The following CCDC91 variants were observed in gnomAD, a reference collection of about 807,000 sequenced individuals.
CCDC91 encodes coiled-coil domain-containing protein 91.
In CCDC91, 48 loss-of-function variants were observed where a neutral mutation model predicts 63.2. That is an observed-to-expected ratio of 0.76 (90% CI 0.60 to 0.97). The LOEUF is 0.97. CCDC91 is among the 50% of genes least tolerant of loss of function. The pLI is 0.00. For missense variants in CCDC91, 500 were observed against 494.6 expected, an observed-to-expected ratio of 1.01 and a Z score of -0.10; for synonymous variants, 167 against 165.8, an observed-to-expected ratio of 1.01 and a Z score of -0.06.
At chr12:28,499,559 T>C (rs1161039274) in intron 12 of CCDC91, among the ~76,000 whole-genome samples, 1 of 151,920 alleles carries the variant, frequency 6.6e-6, no homozygotes, top group African/African-American at 2.4e-5. Flanking sequence ...CCTGTGTCCA[T>C]GTGTTCTCAT....
intron 1 of CCDC91, among the ~76,000 whole-genome samples, chr12:28,233,933 A>G (rs1433856697): frequency 1.3e-5 from 2 of 152,138 alleles, no homozygotes; most frequent in African/African-American, 4.8e-5. Context: ...AAATACCGGT[A>G]AAATTGATCA....
At chr12:28,388,510 A>G (rs1945742431) in intron 7 of CCDC91, among the ~76,000 whole-genome samples, 1 of 152,184 alleles carries the variant, frequency 6.6e-6, no homozygotes, top group Non-Finnish European at 1.5e-5. Context: ...CCCTTTTACA[A>G]TAGCTGCAAA....
intron 3 of CCDC91, among the ~76,000 whole-genome samples, chr12:28,293,161 A>G (rs921135853): frequency 2.6e-5 from 4 of 152,210 alleles, no homozygotes; most frequent in African/African-American, 9.6e-5. Flanking sequence ...GCATATAGAT[A>G]GAAAATAGAA....
chr12:28,500,634 A>C (rs1937702773), intron 12 of CCDC91, among the ~76,000 whole-genome samples: 1 of 151,756 alleles, frequency 6.6e-6, no homozygotes, highest in African/African-American at 2.4e-5. Flanking sequence ...AGATACCGTT[A>C]CCAAGTTTTG....
rs533446894 is a variant in CCDC91, at chr12:28,517,811, G to T, written c.1216-31252G>T. On this transcript the variant is annotated intron_variant, in intron 12 of 12. Transcript: ENST00000536442. ...TTCCCACCCTTTCCCCCTGAGTCCC[G>T]AAAGTCCACTGTGTCATTTTTATGC... Among the ~76,000 whole-genome samples, 4 of 151,766 alleles carry T rather than the reference G, an allele frequency of 2.6e-5. No homozygotes were observed. In the South Asian group the frequency reaches 8.3e-4, roughly 32 times the overall value.
chr12:28,231,054 G>A lies in CCDC91; in HGVS notation c.-14-26148G>A, dbSNP rs546721551. ...TGTTTAATTTAGATGTGAAATGTTT[G>A]ATAGGACACTATACTAGAGGCTCTA... On this transcript the variant is annotated intron_variant, in intron 1 of 12. Coordinates refer to ENST00000536442, the MANE Select transcript of CCDC91 (RefSeq NM_018318.5). Among the ~76,000 whole-genome samples, 4 of 152,282 alleles carry A rather than the reference G, an allele frequency of 2.6e-5. No individual in the cohort carries two copies. In the South Asian group the frequency reaches 8.3e-4, roughly 32 times the overall value.
intron 1 of CCDC91, among the ~76,000 whole-genome samples, chr12:28,234,544 T>A (rs34921932): frequency 3.2e-3 from 488 of 152,260 alleles, no homozygotes; most frequent in Middle Eastern, 0.01. Context: ...GATAAAAATG[T>A]TTGGAAACAA....
intron 11 of CCDC91, among the ~76,000 whole-genome samples, chr12:28,455,955 G>A (rs1352363204): frequency 1.3e-5 from 2 of 152,074 alleles, no homozygotes; most frequent in African/African-American, 4.8e-5. Flanking sequence ...GGAGTCAACA[G>A]TCAGTATTCA....
At chr12:28,441,371 G>T (rs901139399) in intron 8 of CCDC91, among the ~76,000 whole-genome samples, 3 of 151,802 alleles carry the variant, frequency 2.0e-5, no homozygotes, top group Non-Finnish European at 4.4e-5. Flanking sequence ...GTATGCAAAA[G>T]AAATAAAAAT....
At chr12:28,435,315 T>A (rs529496812) in intron 8 of CCDC91, among the ~76,000 whole-genome samples, 1 of 151,808 alleles carries the variant, frequency 6.6e-6, no homozygotes, top group Admixed American at 6.6e-5. Flanking sequence ...TTTTTTTTTC[T>A]TTTAGTTCAG....
intron 8 of CCDC91, among the ~76,000 whole-genome samples, chr12:28,409,944 CCTAGA>C (rs1947213237): frequency 6.6e-6 from 1 of 151,934 alleles, no homozygotes; most frequent in African/African-American, 2.4e-5. Flanking sequence ...TCTTTTATGG[CCTAGA>C]CTATAGTCTG....
At position 28,280,627 on chromosome 12, in the gene CCDC91, C is replaced by A. The variant is rs74075324; in HGVS notation, c.109+21185C>A. On this transcript the variant is annotated intron_variant, in intron 3 of 12. Transcript: ENST00000536442. Reference sequence around the variant, plus strand: ...ATGATTTGTATACCTTTGTAAATACCCTTCTATTAAAGATAATTGCTAATT... The same window carrying A: ...ATGATTTGTATACCTTTGTAAATACACTTCTATTAAAGATAATTGCTAATT... Among the ~76,000 whole-genome samples, 948 of 151,578 alleles carry A rather than the reference C, an allele frequency of 6.3e-3. 8 individuals are homozygous for A. Among genetic ancestry groups the A allele is most frequent in the Middle Eastern group, 0.058 (17 of 294 alleles).
intron 7 of CCDC91, among the ~76,000 whole-genome samples, chr12:28,386,408 G>A (rs894229500): frequency 4.0e-5 from 6 of 151,696 alleles, no homozygotes; most frequent in Admixed American, 6.6e-5. Flanking sequence ...TGGTCTTGTC[G>A]CCCAGGCTGG....
At chr12:28,519,901 T>A (rs12372002) in intron 12 of CCDC91, among the ~76,000 whole-genome samples, 31,089 of 151,734 alleles carry the variant, frequency 0.2, 4,139 homozygotes, top group Non-Finnish European at 0.3. Flanking sequence ...ACATGAACTC[T>A]TCCTTTTTTA....
chr12:28,199,557 A>G (rs1942048774), intron 1 of CCDC91, among the ~76,000 whole-genome samples: 2 of 152,210 alleles, frequency 1.3e-5, no homozygotes, highest in Non-Finnish European at 2.9e-5. Context: ...TTCTTTATGT[A>G]GATTCAAGTA....
intron 3 of CCDC91, among the ~76,000 whole-genome samples, chr12:28,277,308 T>G (rs1160059360): frequency 6.6e-6 from 1 of 152,024 alleles, no homozygotes; most frequent in African/African-American, 2.4e-5. Context: ...TAAATTACAG[T>G]TTGGGTTTTT....
chr12:28,193,908 G>C (rs1454705551), intron 1 of CCDC91, among the ~76,000 whole-genome samples: 3 of 152,072 alleles, frequency 2.0e-5, no homozygotes, highest in African/African-American at 7.2e-5. Flanking sequence ...GTTTGTTATT[G>C]GTTTGCAAGT....
At chr12:28,417,620 GAT>G (rs34996637) in intron 8 of CCDC91, among the ~76,000 whole-genome samples, 1,626 of 139,754 alleles carry the variant, frequency 0.012, 23 homozygotes, top group African/African-American at 0.039. Flanking sequence ...GAACCTTTGA[GAT>G]ATATATATAT....
At chr12:28,453,043 C>A (rs1269347487) in intron 11 of CCDC91, among the ~76,000 whole-genome samples, 1 of 151,774 alleles carries the variant, frequency 6.6e-6, no homozygotes, top group Non-Finnish European at 1.5e-5. Flanking sequence ...GTGTAGAAAA[C>A]AATTTGATTC....
Sources: allele counts gnomAD v4.1 joint callset (sites outside exome capture counted in the v4.1 genomes callset), GRCh38; gene constraint gnomAD v4.1.1; transcripts MANE v1.5; gene names NCBI Gene and HGNC (gene_info 2026-07-23, HGNC 2026-07-21).